Variants in LTBP1 observed in about 807,000 individuals in gnomAD.
The protein encoded by LTBP1 is latent transforming growth factor beta binding protein 1.
A neutral mutation model predicts 207.6 loss-of-function variants in LTBP1; 129 were observed. That is an observed-to-expected ratio of 0.62 (90% CI 0.54 to 0.72). LTBP1 has a LOEUF of 0.72. LTBP1 is among the 30% of genes least tolerant of loss of function. LTBP1 has a pLI of 0.00. For missense variants in LTBP1, 2,281 were observed against 2,217.2 expected (o/e 1.03, Z -0.58); for synonymous variants, 963 against 833.7 (o/e 1.16, Z -2.67).
chr2:32,959,337 G>C (rs556079817), intron 2 of LTBP1, among the ~76,000 whole-genome samples: 1 of 152,084 alleles, frequency 6.6e-6, no homozygotes, highest in South Asian at 2.1e-4. Flanking sequence ...TTTAGATAAT[G>C]CAGTTAGAGG....
At chr2:32,969,227 ATTTGTG>A (rs1182598242) in intron 2 of LTBP1, among the ~76,000 whole-genome samples, 1,550 of 92,652 alleles carry the variant, frequency 0.017, 32 homozygotes, top group African/African-American at 0.049. Context: ...CACCTGGCCA[ATTTGTG>A]TGTGTGTGTG....
intron 5 of LTBP1, among the ~76,000 whole-genome samples, chr2:33,145,225 C>T (rs1373798073): frequency 6.6e-6 from 1 of 151,914 alleles, no homozygotes; most frequent in African/African-American, 2.4e-5. Context: ...GAAAGACTGG[C>T]ATGACTGAGT....
At position 33,251,149 on chromosome 2, in the gene LTBP1, G is replaced by A. The variant is rs568165798; in HGVS notation, c.2000-1528G>A. ...CTGCTACTACTGGGGCTGAGGACTG[G>A]CCCACCTGGTAGCCTCATCCTCGGC... is the stretch of plus-strand genomic sequence containing the variant. On this transcript the variant is annotated intron_variant, in intron 10 of 33. Transcript: ENST00000404816. 5.9e-5 allele frequency among the ~76,000 whole-genome samples: 9 copies of A among 152,294 alleles called. No homozygotes were observed. In the South Asian group the frequency reaches 1.9e-3, roughly 32 times the overall value.
At chr2:33,019,328 CTTTTTTTTTTT>C (rs58570641) in intron 2 of LTBP1, among the ~76,000 whole-genome samples, 46 of 87,712 alleles carry the variant, frequency 5.2e-4, no homozygotes, top group African/African-American at 1.9e-3. Flanking sequence ...ATGTACACTT[CTTTTTTTTTTT>C]TTTTTTTTTT....
At chr2:32,984,502 G>T (rs1051563702) in intron 2 of LTBP1, among the ~76,000 whole-genome samples, 2 of 152,166 alleles carry the variant, frequency 1.3e-5, no homozygotes, top group Admixed American at 1.3e-4. Context: ...TGGACCTGTG[G>T]GGTCAGGACG....
chr2:33,390,738 C>T (rs993087277), intron 32 of LTBP1, among the ~76,000 whole-genome samples: 6 of 152,048 alleles, frequency 3.9e-5, no homozygotes, highest in Admixed American at 2.0e-4. Context: ...GTGATTCATC[C>T]GCCTCGGCCT....
At chr2:33,391,326 C>T (rs970277746) in intron 32 of LTBP1, among the ~76,000 whole-genome samples, 7 of 150,096 alleles carry the variant, frequency 4.7e-5, no homozygotes, top group African/African-American at 1.2e-4. Context: ...TCATCCACAG[C>T]ACATAACCAT....
chr2:33,166,682 G>C (rs1043360584), intron 5 of LTBP1, among the ~76,000 whole-genome samples: 1 of 152,142 alleles, frequency 6.6e-6, no homozygotes. Flanking sequence ...ATATTGTCTT[G>C]ATTTAATGGA....
chr2:33,127,503 C>G (rs1186356408), intron 4 of LTBP1, among the ~76,000 whole-genome samples: 1 of 152,148 alleles, frequency 6.6e-6, no homozygotes, highest in Non-Finnish European at 1.5e-5. Context: ...CAGTTCATAC[C>G]AGGCCTCTTC....
At position 33,370,265 on chromosome 2, in the gene LTBP1, C is replaced by T. The variant is rs578237075; in HGVS notation, c.4711+4762C>T. 4.0e-4 allele frequency among the ~76,000 whole-genome samples: 61 copies of T among 152,312 alleles called. 1 individual carries two copies. Among genetic ancestry groups the T allele is most frequent in the African/African-American group, 1.5e-3 (61 of 41,564 alleles). Reference sequence around the variant, plus strand: ...AATCCAAAGGATCTTATAAAATCTACAGTTACCTAATAGCATGTGAACATA... The same window carrying T: ...AATCCAAAGGATCTTATAAAATCTATAGTTACCTAATAGCATGTGAACATA... On this transcript the variant is annotated intron_variant, in intron 31 of 33. Transcript: ENST00000404816.
In LTBP1 at chr2:33,057,203, G is replaced by A. The variant is rs185229625; in HGVS notation, c.863+35997G>A. 8.4e-4 allele frequency among the ~76,000 whole-genome samples: 128 copies of A among 151,748 alleles called. 5 individuals carry two copies. The highest frequency in any genetic ancestry group is 1.7e-3 in the Admixed American group (26 of 15,230). On this transcript the variant is annotated intron_variant, in intron 3 of 33. Coordinates refer to ENST00000404816, the MANE Select transcript of LTBP1 (RefSeq NM_206943.4). ...CCAGATTAGCTAGATACAGAGTGCC[G>A]ATTGGTGCATCCACAAATCCTGAGC...
At chr2:33,298,101 G>T (rs1031552267) in intron 20 of LTBP1, among the ~76,000 whole-genome samples, 2 of 152,198 alleles carry the variant, frequency 1.3e-5, no homozygotes, top group Non-Finnish European at 2.9e-5. Context: ...ACAAAAGAAA[G>T]AAGACATTTG....
chr2:33,321,168 A>G (rs2094348382), intron 24 of LTBP1, among the ~76,000 whole-genome samples: 1 of 152,010 alleles, frequency 6.6e-6, no homozygotes, highest in African/African-American at 2.4e-5. Context: ...GAGCACTGCA[A>G]GACTGGAAGA....
Position 33,296,427 on chromosome 2 carries a change from A to G in LTBP1, c.3235+3145A>G, listed in dbSNP as rs193260453. 1.4e-4 allele frequency among the ~76,000 whole-genome samples: 21 copies of G among 152,118 alleles called. No individual in the cohort carries two copies. In the East Asian group the frequency reaches 4.1e-3, roughly 30 times the overall value. ...CTTGTTCAAGATTATCCTGCCTTTC[A>G]TATTCATCTTCTTCCTCACTGCTTA... On this transcript the variant is annotated intron_variant, in intron 20 of 33. Transcript: ENST00000404816.
At chr2:33,319,690 G>A (rs912983459) in intron 24 of LTBP1, among the ~76,000 whole-genome samples, 3 of 152,044 alleles carry the variant, frequency 2.0e-5, no homozygotes, top group East Asian at 1.9e-4. Flanking sequence ...CGTGGAGTCC[G>A]GCACACCCCC....
chr2:33,132,140 G>C (rs888006383), intron 4 of LTBP1, among the ~76,000 whole-genome samples: 1 of 152,178 alleles, frequency 6.6e-6, no homozygotes, highest in African/African-American at 2.4e-5. Context: ...ATATTCTTTT[G>C]AAGTGGGAAA....
intron 31 of LTBP1, among the ~76,000 whole-genome samples, chr2:33,388,616 CTTA>C (rs1424884014): frequency 6.6e-6 from 1 of 152,158 alleles, no homozygotes; most frequent in Non-Finnish European, 1.5e-5. Flanking sequence ...CACGGCTGTT[CTTA>C]TTATCGTGAT....
intron 9 of LTBP1, among the ~76,000 whole-genome samples, chr2:33,223,128 C>T (rs925230521): frequency 4.6e-5 from 7 of 152,078 alleles, no homozygotes; most frequent in African/African-American, 1.4e-4. Context: ...TAGGTTAACC[C>T]CCTATTCAAA....
chr2:33,205,675 C>A (rs1278403183), intron 7 of LTBP1, among the ~76,000 whole-genome samples: 5 of 152,148 alleles, frequency 3.3e-5, no homozygotes, highest in African/African-American at 1.2e-4. Context: ...AGAATGAGTC[C>A]CATGGCCATA....
Sources: allele counts gnomAD v4.1 joint callset (sites outside exome capture counted in the v4.1 genomes callset), GRCh38; gene constraint gnomAD v4.1.1; transcripts MANE v1.5; gene names NCBI Gene and HGNC (gene_info 2026-07-23, HGNC 2026-07-21).